The following HS3ST4 variants were observed in gnomAD, a reference collection of about 807,000 sequenced individuals.
The protein encoded by HS3ST4 is heparan sulfate glucosamine 3-O-sulfotransferase 4.
A neutral mutation model predicts 29.2 loss-of-function variants in HS3ST4; 17 were observed. The observed-to-expected ratio is 0.58, with a 90% CI of 0.40 to 0.87. The LOEUF (loss-of-function observed/expected upper bound fraction) is 0.87. HS3ST4 is among the 40% of genes least tolerant of loss of function. The probability of loss-of-function intolerance (pLI) is 0.00; values close to 1 mark genes in which losing one functional copy is unlikely to be tolerated. For missense variants in HS3ST4, 627 were observed against 634.5 expected (o/e 0.99, Z 0.13); for synonymous variants, 314 against 285.7 (o/e 1.10, Z -1.00).
At chr16:26,045,220 G>C (rs955379221) in intron 1 of HS3ST4, among the ~76,000 whole-genome samples, 1 of 152,056 alleles carries the variant, frequency 6.6e-6, no homozygotes, top group Non-Finnish European at 1.5e-5. Flanking sequence ...AGAAAGGCAG[G>C]GGGTAGCATC....
chr16:25,879,044 CACTG>C (rs1404668860), intron 1 of HS3ST4, among the ~76,000 whole-genome samples: 1 of 152,130 alleles, frequency 6.6e-6, no homozygotes. Context: ...ATTAGGGTGT[CACTG>C]ACTGAAGCAT....
chr16:25,764,822 G>T (rs967605544), intron 1 of HS3ST4, among the ~76,000 whole-genome samples: 5 of 152,198 alleles, frequency 3.3e-5, no homozygotes, highest in African/African-American at 9.6e-5. Flanking sequence ...CATAGATCTT[G>T]GTGAAATCCT....
chr16:26,068,664 C>A (rs1456120817), intron 1 of HS3ST4, among the ~76,000 whole-genome samples: 2 of 152,024 alleles, frequency 1.3e-5, no homozygotes, highest in African/African-American at 4.8e-5. Context: ...GGTCGTTTGA[C>A]TTTTCTGTTT....
chr16:26,019,210 G>A (rs909526243), intron 1 of HS3ST4, among the ~76,000 whole-genome samples: 1 of 152,056 alleles, frequency 6.6e-6, no homozygotes, highest in Non-Finnish European at 1.5e-5. Context: ...GTCCAGGGGG[G>A]CAGTGGGGTT....
chr16:25,766,123 C>G (rs1198867948), intron 1 of HS3ST4, among the ~76,000 whole-genome samples: 1 of 151,888 alleles, frequency 6.6e-6, no homozygotes, highest in Non-Finnish European at 1.5e-5. Flanking sequence ...GAAATAGGCA[C>G]CATCATCTAG....
At chr16:25,801,070 T>C (rs1966928481) in intron 1 of HS3ST4, among the ~76,000 whole-genome samples, 1 of 152,122 alleles carries the variant, frequency 6.6e-6, no homozygotes, top group Non-Finnish European at 1.5e-5. Context: ...TATGATTCAG[T>C]AGGGTTGGGG....
chr16:26,068,900 CTGTT>C (rs2141775663), intron 1 of HS3ST4, among the ~76,000 whole-genome samples: 1 of 152,246 alleles, frequency 6.6e-6, no homozygotes, highest in East Asian at 1.9e-4. Context: ...TCTTGATACA[CTGTT>C]TGCAAAAATG....
At chr16:25,791,730 T>C (rs998437214) in intron 1 of HS3ST4, among the ~76,000 whole-genome samples, 3 of 152,164 alleles carry the variant, frequency 2.0e-5, no homozygotes, top group African/African-American at 4.8e-5. Flanking sequence ...CAATTAATGA[T>C]TTGGATATTG....
At chr16:26,063,471 A>G (rs1173255973) in intron 1 of HS3ST4, among the ~76,000 whole-genome samples, 1 of 151,452 alleles carries the variant, frequency 6.6e-6, no homozygotes, top group Non-Finnish European at 1.5e-5. Flanking sequence ...TGAAGCCAGG[A>G]GTTTGAGACC....
chr16:26,112,377 A>G (rs1000971612), intron 1 of HS3ST4, among the ~76,000 whole-genome samples: 2 of 99,588 alleles, frequency 2.0e-5, no homozygotes, highest in African/African-American at 7.0e-5. Flanking sequence ...TAAAGCCTCT[A>G]CATCTTTTTT....
intron 1 of HS3ST4, among the ~76,000 whole-genome samples, chr16:25,814,635 C>T (rs1268313402): frequency 1.3e-5 from 2 of 152,166 alleles, no homozygotes; most frequent in African/African-American, 4.8e-5. Context: ...TGAGCCACAG[C>T]GCCCGGCCTA....
intron 1 of HS3ST4, among the ~76,000 whole-genome samples, chr16:25,929,164 A>G (rs1968439427): frequency 6.6e-6 from 1 of 152,132 alleles, no homozygotes; most frequent in Non-Finnish European, 1.5e-5. Context: ...TGGGTGGATC[A>G]TGTGGTCAAG....
chr16:25,996,358 A>G (rs1251179024), intron 1 of HS3ST4, among the ~76,000 whole-genome samples: 2 of 151,960 alleles, frequency 1.3e-5, no homozygotes, highest in Admixed American at 6.5e-5. Context: ...CATACTTTAC[A>G]TATCTAGACA....
At chr16:25,948,463 C>T (rs911527988) in intron 1 of HS3ST4, among the ~76,000 whole-genome samples, 3 of 152,064 alleles carry the variant, frequency 2.0e-5, no homozygotes, top group African/African-American at 7.2e-5. Flanking sequence ...TCTTGAAATG[C>T]ACTCGACCCC....
intron 1 of HS3ST4, among the ~76,000 whole-genome samples, chr16:25,798,930 T>C (rs1966906195): frequency 6.6e-6 from 1 of 152,166 alleles, no homozygotes; most frequent in Non-Finnish European, 1.5e-5. Flanking sequence ...TGGGTTACCA[T>C]TGTTGGCAGT....
chr16:25,716,718 A>C (rs1026523208), intron 1 of HS3ST4, among the ~76,000 whole-genome samples: 6 of 152,214 alleles, frequency 3.9e-5, no homozygotes, highest in Non-Finnish European at 7.3e-5. Flanking sequence ...TGAAGCCCTC[A>C]TGAGAAACTT....
At chr16:25,717,003 G>A (rs913171564) in intron 1 of HS3ST4, among the ~76,000 whole-genome samples, 8 of 152,034 alleles carry the variant, frequency 5.3e-5, no homozygotes, top group Non-Finnish European at 8.8e-5. Flanking sequence ...ACAGTGAGCC[G>A]AGTTCGGGCC....
intron 1 of HS3ST4, among the ~76,000 whole-genome samples, chr16:25,773,397 A>G (rs1172933291): frequency 2.0e-5 from 3 of 152,118 alleles, no homozygotes; most frequent in Non-Finnish European, 4.4e-5. Flanking sequence ...GGCTCCTAAT[A>G]CTACAGAACA....
At chr16:25,822,995 C>A (rs1300407410) in intron 1 of HS3ST4, among the ~76,000 whole-genome samples, 1 of 152,152 alleles carries the variant, frequency 6.6e-6, no homozygotes, top group Non-Finnish European at 1.5e-5. Context: ...TCCTTTGCCT[C>A]CTAAAGGGCT....
Sources: gnomAD v4.1 joint callset for allele counts (sites outside exome capture counted in the v4.1 genomes callset) on GRCh38, gnomAD v4.1.1 for gene constraint, MANE v1.5 for transcripts, NCBI Gene and HGNC (gene_info 2026-07-23, HGNC 2026-07-21) for gene names.